The following ME3 variants were observed in gnomAD, a reference collection of about 807,000 sequenced individuals.
The protein encoded by ME3 is malic enzyme 3, also known as NADP-dependent malic enzyme, mitochondrial.
A neutral mutation model predicts 68.9 loss-of-function variants in ME3; 48 were observed. The observed-to-expected ratio is 0.70, with a 90% CI of 0.55 to 0.89. The LOEUF (loss-of-function observed/expected upper bound fraction) is 0.89. ME3 is among the 40% of genes least tolerant of loss of function. ME3 has a pLI of 0.00. For missense variants in ME3, 675 were observed against 797.4 expected (o/e 0.85, Z 1.85); for synonymous variants, 320 against 318.8 (o/e 1.00, Z -0.04).
chr11:86,607,305 T>G (rs1961821741), intron 2 of ME3, among the ~76,000 whole-genome samples: 1 of 152,118 alleles, frequency 6.6e-6, no homozygotes, highest in Non-Finnish European at 1.5e-5. Context: ...GGGCTGAACT[T>G]TAACTCCTCT....
chr11:86,652,306 G>C (rs546149086), intron 2 of ME3, among the ~76,000 whole-genome samples: 2 of 152,274 alleles, frequency 1.3e-5, no homozygotes, highest in African/African-American at 4.8e-5. Flanking sequence ...ATTCACCAAA[G>C]TTGAAATGAA....
intron 2 of ME3, among the ~76,000 whole-genome samples, chr11:86,667,130 G>A (rs745743933): frequency 7.2e-5 from 11 of 152,194 alleles, no homozygotes; most frequent in East Asian, 1.9e-4. Context: ...GCCATCACCC[G>A]TGGTGCCTTG....
chr11:86,535,686 T>C (rs1385846200), intron 4 of ME3, among the ~76,000 whole-genome samples: 2 of 152,218 alleles, frequency 1.3e-5, no homozygotes, highest in African/African-American at 2.4e-5. Context: ...TTGCTGAAGA[T>C]CCTTAAAGGA....
chr11:86,539,515 A>G (rs1397803860), intron 4 of ME3, among the ~76,000 whole-genome samples: 1 of 151,022 alleles, frequency 6.6e-6, no homozygotes, highest in Non-Finnish European at 1.5e-5. Context: ...TGAATCATAC[A>G]TGTACTTATG....
At chr11:86,605,628 C>T (rs901836274) in intron 2 of ME3, among the ~76,000 whole-genome samples, 2 of 152,102 alleles carry the variant, frequency 1.3e-5, no homozygotes, top group East Asian at 1.9e-4. Context: ...TGAATTACAT[C>T]GAAGTCAATG....
At chr11:86,667,337 T>G (rs1258750530) in intron 2 of ME3, among the ~76,000 whole-genome samples, 7 of 152,086 alleles carry the variant, frequency 4.6e-5, no homozygotes, top group Non-Finnish European at 1.0e-4. Context: ...GGGGGAAGAT[T>G]GGTGTGTTCT....
At chr11:86,533,252 C>A (rs1236172229) in intron 4 of ME3, among the ~76,000 whole-genome samples, 1 of 151,636 alleles carries the variant, frequency 6.6e-6, no homozygotes, top group Non-Finnish European at 1.5e-5. Flanking sequence ...AATTGACAAA[C>A]CCTTAGCTAT....
chr11:86,605,165 A>G (rs1333567785), intron 2 of ME3, among the ~76,000 whole-genome samples: 1 of 152,246 alleles, frequency 6.6e-6, no homozygotes, highest in Non-Finnish European at 1.5e-5. Context: ...TCCATGTTGT[A>G]TCATGTATCA....
intron 7 of ME3, among the ~76,000 whole-genome samples, chr11:86,474,155 G>GT (rs1314493499): frequency 6.6e-6 from 1 of 152,144 alleles, no homozygotes; most frequent in Non-Finnish European, 1.5e-5. Context: ...GAGATTCCCT[G>GT]GTGTGCTGGG....
chr11:86,439,737 T>C (rs890745020), downstream of ME3, among the ~76,000 whole-genome samples: 2 of 152,242 alleles, frequency 1.3e-5, no homozygotes, highest in African/African-American at 4.8e-5. Context: ...TTTGATCTTT[T>C]CAAAGAACCT....
chr11:86,523,699 G>A (rs1423155562), intron 4 of ME3, among the ~76,000 whole-genome samples: 1 of 152,066 alleles, frequency 6.6e-6, no homozygotes, highest in Non-Finnish European at 1.5e-5. Context: ...AAGTATACAT[G>A]CAATTTTCAC....
At chr11:86,657,913 A>G (rs905760127) in intron 2 of ME3, among the ~76,000 whole-genome samples, 2 of 152,148 alleles carry the variant, frequency 1.3e-5, no homozygotes, top group African/African-American at 2.4e-5. Flanking sequence ...GGATGGATGG[A>G]CAGGGATTCA....
intron 5 of ME3, among the ~76,000 whole-genome samples, chr11:86,503,845 G>A (rs999015225): frequency 6.6e-6 from 1 of 152,216 alleles, no homozygotes; most frequent in African/African-American, 2.4e-5. Flanking sequence ...AGAGATTTAG[G>A]AGCTTGGGAA....
chr11:86,613,808 G>A (rs1369633707), intron 2 of ME3, among the ~76,000 whole-genome samples: 1 of 152,112 alleles, frequency 6.6e-6, no homozygotes, highest in East Asian at 1.9e-4. Context: ...ACTGCTCAAG[G>A]AAATAAGAGA....
chr11:86,595,017 G>T (rs1186737125), intron 2 of ME3, among the ~76,000 whole-genome samples: 1 of 145,170 alleles, frequency 6.9e-6, no homozygotes, highest in Non-Finnish European at 1.5e-5. Flanking sequence ...TTCAAATGAG[G>T]CTCTTTCATG....
chr11:86,667,809 G>T (rs1224391755), intron 2 of ME3: 1 of 152,182 alleles, frequency 6.6e-6, no homozygotes, highest in Non-Finnish European at 1.5e-5. Context: ...TGTTGCTACA[G>T]TTATAGAATG....
chr11:86,592,943 A>C (rs1423846610), intron 2 of ME3, among the ~76,000 whole-genome samples: 1 of 152,166 alleles, frequency 6.6e-6, no homozygotes, highest in Non-Finnish European at 1.5e-5. Flanking sequence ...TAAGTGTGTG[A>C]CTGTGAGCCA....
At chr11:86,583,595 T>G (rs1329961295) in intron 2 of ME3, among the ~76,000 whole-genome samples, 1 of 152,162 alleles carries the variant, frequency 6.6e-6, no homozygotes, top group Non-Finnish European at 1.5e-5. Context: ...ACAAAGCAGG[T>G]GCAGTGGATG....
At chr11:86,498,514 C>A (rs687804) in intron 5 of ME3, among the ~76,000 whole-genome samples, 114,595 of 152,068 alleles carry the variant, frequency 0.75, 43,658 homozygotes, top group Non-Finnish European at 0.8. Context: ...ATAAAAAATA[C>A]GTGTTCGTGC....
Sources: gnomAD v4.1 joint callset for allele counts (sites outside exome capture counted in the v4.1 genomes callset) on GRCh38, gnomAD v4.1.1 for gene constraint, MANE v1.5 for transcripts, NCBI Gene and HGNC (gene_info 2026-07-23, HGNC 2026-07-21) for gene names.